The following DOCK1 variants were observed in gnomAD, a reference collection of about 807,000 sequenced individuals.
DOCK1 encodes dedicator of cytokinesis protein 1.
A neutral mutation model predicts 262.7 loss-of-function variants in DOCK1; 138 were observed. That is an observed-to-expected ratio of 0.53 (90% CI 0.46 to 0.61). The LOEUF is 0.61. DOCK1 is among the 20% of genes least tolerant of loss of function. The pLI is 0.00. For missense variants in DOCK1, 1,908 were observed against 2,370.7 expected (o/e 0.80, Z 4.05); for synonymous variants, 866 against 867.4 (o/e 1.00, Z 0.03).
Position 127,418,351 on chromosome 10 carries a change from C to G in DOCK1, c.4516-14C>G. The G allele has an allele frequency of 6.2e-7, 1 of 1,602,342 alleles. No individual in the cohort carries two copies. The highest frequency in any genetic ancestry group is 8.5e-7 in the Non-Finnish European group (1 of 1,173,862). The stretch of plus-strand genomic sequence containing the variant: ...GCTGTGGGGCTGACATCGGGCTCTC[C>G]TCTCTCTTTGCAGGTGGAAATCAGC... On this transcript the variant is annotated splice_polypyrimidine_tract_variant and intron_variant, in intron 44 of 51. Transcript: ENST00000623213.
At chr10:127,042,404 A>G (rs1025461622) in intron 19 of DOCK1, among the ~76,000 whole-genome samples, 2 of 151,872 alleles carry the variant, frequency 1.3e-5, no homozygotes, top group Admixed American at 1.3e-4. Context: ...CCTTGCTTTG[A>G]CCCTCTCCAT....
rs371093796 is a variant in DOCK1, at chr10:127,219,783, G to A, written c.2848-28225G>A. On this transcript the variant is annotated intron_variant, in intron 27 of 51. Transcript: ENST00000623213. ...CATACTTATTTCCATTGCCAACCAT[G>A]ACCCTGCCCATGGAGCTCTATCCTA... is the stretch of plus-strand genomic sequence containing the variant. Among the ~76,000 whole-genome samples, 3 of 152,108 alleles carry A rather than the reference G, an allele frequency of 2.0e-5. No individual in the cohort carries two copies. In the East Asian group the frequency reaches 5.8e-4, roughly 30 times the overall value.
At chr10:127,189,152 C>T (rs2056538355) in intron 27 of DOCK1, among the ~76,000 whole-genome samples, 1 of 152,204 alleles carries the variant, frequency 6.6e-6, no homozygotes, top group Admixed American at 6.5e-5. Context: ...GAATCACCAC[C>T]AGAAGGTTCC....
chr10:127,104,221 C>T (rs959202285), intron 23 of DOCK1, among the ~76,000 whole-genome samples: 1 of 152,162 alleles, frequency 6.6e-6, no homozygotes, highest in Admixed American at 6.5e-5. Context: ...CTGTGTAGTT[C>T]ATCTTCTGTT....
Position 127,338,608 on chromosome 10 carries a change from C to T in DOCK1, c.3045-398C>T, listed in dbSNP as rs141288931. ...GCCTGACAGCTCCTTGCGAAGAGTG[C>T]TTTCAACTGGGTAGCTTGAAAAAGC... On this transcript the variant is annotated intron_variant, in intron 29 of 51. Coordinates refer to ENST00000623213, the MANE Select transcript of DOCK1 (RefSeq NM_001290223.2). 2.4e-3 allele frequency among the ~76,000 whole-genome samples: 372 copies of T among 152,342 alleles called. 1 individual carries two copies. Among genetic ancestry groups the T allele is most frequent in the Middle Eastern group, 6.8e-3 (2 of 294 alleles).
intron 29 of DOCK1, among the ~76,000 whole-genome samples, chr10:127,268,754 C>G (rs1270176483): frequency 6.6e-6 from 1 of 152,046 alleles, no homozygotes; most frequent in African/African-American, 2.4e-5. Flanking sequence ...GCTCCAGTGT[C>G]TTTGCAGGAG....
Position 127,062,493 on chromosome 10 carries a change from C to A in DOCK1, c.2445+717C>A, listed in dbSNP as rs992140890. ...CTACAGAACACTGGACTTTATTCTT[C>A]TTATCTAGCTGTAGCTTTGTATCAA... is the stretch of plus-strand genomic sequence containing the variant. On this transcript the variant is annotated intron_variant, in intron 23 of 51. Transcript: ENST00000623213. Among the ~76,000 whole-genome samples the A allele has an allele frequency of 2.6e-5, 4 of 152,208 alleles. No individual in the cohort carries two copies. The East Asian group carries it at 5.8e-4, about 22-fold the overall frequency.
chr10:127,402,216 C>A (rs1315577996), intron 38 of DOCK1, among the ~76,000 whole-genome samples: 1 of 152,002 alleles, frequency 6.6e-6, no homozygotes, highest in Admixed American at 6.6e-5. Flanking sequence ...AGTTTCAGTA[C>A]CTTACCAAAA....
intron 27 of DOCK1, among the ~76,000 whole-genome samples, chr10:127,204,528 C>A (rs1468909426): frequency 1.3e-5 from 2 of 152,104 alleles, no homozygotes; most frequent in Non-Finnish European, 2.9e-5. Context: ...CTCAAGCAAT[C>A]CACCTGCCTC....
At chr10:127,300,226 A>G (rs1247460401) in intron 29 of DOCK1, among the ~76,000 whole-genome samples, 3 of 152,168 alleles carry the variant, frequency 2.0e-5, no homozygotes, top group Non-Finnish European at 2.9e-5. Flanking sequence ...CCTAGAGACC[A>G]CCATGCAAAG....
At chr10:126,944,086 G>A (rs1455841712) in intron 1 of DOCK1, among the ~76,000 whole-genome samples, 25 of 151,108 alleles carry the variant, frequency 1.7e-4, no homozygotes, top group Admixed American at 1.7e-3. Context: ...AGGCATGGCA[G>A]CCGTGCAGGG....
At chr10:126,964,419 A>G (rs901462714) in intron 1 of DOCK1, among the ~76,000 whole-genome samples, 59 of 152,128 alleles carry the variant, frequency 3.9e-4, no homozygotes, top group Non-Finnish European at 7.1e-4. Flanking sequence ...GTTCGAGACC[A>G]GGCGGATGGC....
intron 23 of DOCK1, among the ~76,000 whole-genome samples, chr10:127,070,253 T>C (rs1377072950): frequency 7.3e-6 from 1 of 136,410 alleles, no homozygotes; most frequent in Middle Eastern, 3.3e-3. Flanking sequence ...TTTAGCCCTT[T>C]TTTTTTTTTT....
At chr10:127,251,539 A>G (rs747159972) in intron 28 of DOCK1, among the ~76,000 whole-genome samples, 1 of 69,776 alleles carries the variant, frequency 1.4e-5, no homozygotes, top group African/African-American at 6.1e-5. Context: ...CCCTCCCCCC[A>G]CCCCACAAGA....
intron 25 of DOCK1, among the ~76,000 whole-genome samples, chr10:127,115,852 A>G (rs890630549): frequency 1.3e-5 from 2 of 152,218 alleles, no homozygotes; most frequent in East Asian, 3.8e-4. Context: ...GCTTGTTTCA[A>G]TGAACACTGG....
intron 23 of DOCK1, among the ~76,000 whole-genome samples, chr10:127,085,890 A>G (rs1407408155): frequency 6.6e-6 from 1 of 152,210 alleles, no homozygotes; most frequent in African/African-American, 2.4e-5. Flanking sequence ...ATCACAGTCC[A>G]GTTGTGGGAC....
chr10:127,298,106 A>T (rs1370333558), intron 29 of DOCK1, among the ~76,000 whole-genome samples: 1 of 152,210 alleles, frequency 6.6e-6, no homozygotes, highest in Non-Finnish European at 1.5e-5. Context: ...AACTATTATT[A>T]AGATCAGATT....
intron 27 of DOCK1, among the ~76,000 whole-genome samples, chr10:127,186,466 GC>G (rs1277593180): frequency 7.6e-6 from 1 of 131,632 alleles, no homozygotes; most frequent in Non-Finnish European, 1.5e-5. Flanking sequence ...CAGATCTCCT[GC>G]GATTTCACTC....
At chr10:127,032,028 T>C (rs2043273092) in intron 17 of DOCK1, 109 bp from the exon 18 acceptor site, 1 of 1,341,936 alleles carries the variant, frequency 7.5e-7, no homozygotes, top group African/African-American at 1.5e-5. Context: ...TTTAATATGA[T>C]ACAAAGCAAT....
Sources: allele counts gnomAD v4.1 joint callset (sites outside exome capture counted in the v4.1 genomes callset), GRCh38; gene constraint gnomAD v4.1.1; transcripts MANE v1.5; gene names NCBI Gene and HGNC (gene_info 2026-07-23, HGNC 2026-07-21).